KCMF1: variants seen among roughly 807,000 people sequenced by gnomAD.
KCMF1 encodes E3 ubiquitin-protein ligase KCMF1.
KCMF1 carries 3 observed loss-of-function variants against 41.1 expected under a neutral mutation model. The ratio of observed to expected loss-of-function variants is 0.07; its 90% CI spans 0.03 to 0.19. The LOEUF (loss-of-function observed/expected upper bound fraction) is 0.19, where lower values mean the gene tolerates loss of function less well. Ranked by LOEUF, KCMF1 falls within the 10% of genes least tolerant of loss-of-function variation. The probability of loss-of-function intolerance (pLI) is 1.00; values close to 1 mark genes in which losing one functional copy is unlikely to be tolerated. For synonymous variants in KCMF1, 142 were observed against 164.5 expected (o/e 0.86, Z 1.04); for missense variants, 286 against 488.9 (o/e 0.58, Z 3.91).
intron 3 of KCMF1, among the ~76,000 whole-genome samples, chr2:85,039,777 C>G (rs1403890283): frequency 6.6e-6 from 1 of 152,128 alleles, no homozygotes; most frequent in Non-Finnish European, 1.5e-5. Context: ...AGAGACGACA[C>G]TGAGAACAGC....
intron 1 of KCMF1, chr2:84,972,166 G>T (rs1673414982): frequency 6.6e-6 from 1 of 152,290 alleles, no homozygotes. Context: ...GGCGGAGCAG[G>T]GCTCGCTCCC....
At chr2:85,042,396 A>C (rs1675560686) in intron 3 of KCMF1, among the ~76,000 whole-genome samples, 1 of 151,972 alleles carries the variant, frequency 6.6e-6, no homozygotes, top group African/African-American at 2.4e-5. Flanking sequence ...TCCAAGTCTC[A>C]CCTTTTCCAT....
At chr2:84,975,486 G>T (rs1359305126) in intron 1 of KCMF1, among the ~76,000 whole-genome samples, 5 of 152,264 alleles carry the variant, frequency 3.3e-5, no homozygotes, top group East Asian at 1.9e-4. Context: ...TTGTTCCTCA[G>T]GAGTGGACAA....
At chr2:84,992,853 C>G (rs111836520) in intron 1 of KCMF1, among the ~76,000 whole-genome samples, 14,491 of 152,096 alleles carry the variant, frequency 0.095, 1,082 homozygotes, top group East Asian at 0.34. Flanking sequence ...ATCTCCTGAC[C>G]TTGTGATCCG....
chr2:85,049,162 T>G (rs996729650), intron 5 of KCMF1, among the ~76,000 whole-genome samples: 1 of 152,246 alleles, frequency 6.6e-6, no homozygotes, highest in African/African-American at 2.4e-5. Flanking sequence ...TGGGTTAATA[T>G]TCGTATGCAT....
chr2:85,022,886 C>CTTTTTTTT (rs34732141), intron 1 of KCMF1, among the ~76,000 whole-genome samples: 5 of 111,768 alleles, frequency 4.5e-5, no homozygotes, highest in South Asian at 2.8e-4. Flanking sequence ...TGTATGTATT[C>CTTTTTTTT]TTTTTTTTTT....
At chr2:85,003,135 A>C (rs534048630) in intron 1 of KCMF1, among the ~76,000 whole-genome samples, 1 of 152,266 alleles carries the variant, frequency 6.6e-6, no homozygotes, top group East Asian at 1.9e-4. Flanking sequence ...TTATCACATG[A>C]ATTGTTTTAT....
At chr2:85,019,822 ATATATACGTATGTATATATG>A (rs1318788184) in intron 1 of KCMF1, among the ~76,000 whole-genome samples, 4 of 151,814 alleles carry the variant, frequency 2.6e-5, no homozygotes, top group African/African-American at 9.7e-5. Context: ...ACATACGTAT[ATATATACGTATGTATATATG>A]TATCTGTATT....
chr2:85,008,353 T>TC lies in KCMF1; in HGVS notation c.17-19536_17-19535insC, dbSNP rs1242665871. ...AATATATAATATGATATATAATATA[T>TC]AATATATATTATATATCATATGATA... On this transcript the variant is annotated intron_variant, in intron 1 of 6. Transcript: ENST00000409785. Among the ~76,000 whole-genome samples the TC allele has an allele frequency of 7.3e-5, 8 of 110,084 alleles. 1 individual carries two copies. The East Asian group carries it at 1.6e-3, about 21-fold the overall frequency. 72.2% of individuals were successfully genotyped at this position (110,084 alleles called of 152,430 possible). A position where few individuals can be genotyped will look rare whatever the true frequency, so the allele number is the denominator to read the frequency against.
rs1673388141 is a variant in KCMF1 at position 84,971,382 on chromosome 2, C to T, written c.-70C>T. The T allele has an allele frequency of 1.2e-5, 13 of 1,053,330 alleles. No individual in the cohort carries two copies. In the South Asian group the frequency reaches 4.3e-4, roughly 35 times the overall value. 65.2% of individuals were successfully genotyped at this position (1,053,330 alleles called of 1,614,324 possible). A position where few individuals can be genotyped will look rare whatever the true frequency, so the allele number is the denominator to read the frequency against. On this transcript the variant is annotated 5_prime_UTR_variant, in exon 1 of 7. Coordinates refer to ENST00000409785, the MANE Select transcript of KCMF1 (RefSeq NM_020122.5). ...GGAGTCGGCCGGCCGGCGCGGGCAG[C>T]GCCGGGACCCCGCGGGGGACACTGC...
At chr2:85,013,624 C>T (rs1574024495) in intron 1 of KCMF1, among the ~76,000 whole-genome samples, 1 of 151,866 alleles carries the variant, frequency 6.6e-6, no homozygotes, top group African/African-American at 2.4e-5. Context: ...ATGGTGAAAC[C>T]CCGTCTCTAC....
intron 1 of KCMF1, among the ~76,000 whole-genome samples, chr2:84,977,660 T>C (rs1673584404): frequency 6.6e-6 from 1 of 151,842 alleles, no homozygotes; most frequent in Non-Finnish European, 1.5e-5. Context: ...TGGGCTCAAG[T>C]GATTCTCCCA....
chr2:85,026,824 C>T (rs1368388561), intron 1 of KCMF1, among the ~76,000 whole-genome samples: 1 of 152,104 alleles, frequency 6.6e-6, no homozygotes, highest in Non-Finnish European at 1.5e-5. Flanking sequence ...TTTGATGCCC[C>T]AATTCTGATA....
intron 1 of KCMF1, among the ~76,000 whole-genome samples, chr2:84,972,530 A>C (rs1420701876): frequency 6.6e-6 from 1 of 152,216 alleles, no homozygotes; most frequent in African/African-American, 2.4e-5. Flanking sequence ...TGTCCTGCTA[A>C]GGTTAATACA....
At chr2:85,003,309 T>TA (rs946657638) in intron 1 of KCMF1, among the ~76,000 whole-genome samples, 9 of 151,208 alleles carry the variant, frequency 6.0e-5, no homozygotes, top group South Asian at 2.1e-4. Context: ...CCGTCTCTAC[T>TA]AAAAAAAAGA....
Position 84,971,478 on chromosome 2 carries a change from C to A in KCMF1, c.16+11C>A. ...TGTCCCGACATGAAGGTGAGAGGAG[C>A]CCCCGCCCCCACCCGCACCTCCCGG... On this transcript the variant is annotated intron_variant, in intron 1 of 6. Transcript: ENST00000409785. The A allele has an allele frequency of 7.9e-7, 1 of 1,258,338 alleles. No individual in the cohort carries two copies. The highest frequency in any genetic ancestry group is 4.3e-5 in the East Asian group (1 of 23,346). 77.9% of individuals were successfully genotyped at this position (1,258,338 alleles called of 1,614,324 possible).
chr2:84,998,269 A>AT, intron 1 of KCMF1, among the ~76,000 whole-genome samples: 1 of 149,942 alleles, frequency 6.7e-6, no homozygotes. Context: ...TTTTTTTTGT[A>AT]TTTTTAGTAG....
At chr2:85,045,613 T>TA (rs754296994) in intron 4 of KCMF1, among the ~76,000 whole-genome samples, 2 of 152,244 alleles carry the variant, frequency 1.3e-5, no homozygotes, top group South Asian at 2.1e-4. Context: ...CAGTTTGACT[T>TA]ACACTCAGCT....
chr2:85,008,289 AATATATATAATATATAATATGAT>A (rs1172214362), intron 1 of KCMF1, among the ~76,000 whole-genome samples: 50 of 49,610 alleles, frequency 1.0e-3, no homozygotes, highest in African/African-American at 4.5e-3. Context: ...TATGATATAT[AATATATATAATATATAATATGAT>A]ATATATATCA....
Sources: gnomAD v4.1 joint callset for allele counts (sites outside exome capture counted in the v4.1 genomes callset) on GRCh38, gnomAD v4.1.1 for gene constraint, MANE v1.5 for transcripts, NCBI Gene and HGNC (gene_info 2026-07-23, HGNC 2026-07-21) for gene names.